The following SEC16B variants were observed in gnomAD, a reference collection of about 807,000 sequenced individuals.
SEC16B encodes the protein protein transport protein Sec16B.
In SEC16B, 115 loss-of-function variants were observed where a neutral mutation model predicts 141.8. That is an observed-to-expected ratio of 0.81 (90% CI 0.70 to 0.95). The LOEUF (loss-of-function observed/expected upper bound fraction) is 0.95, where lower values mean the gene tolerates loss of function less well. Among genes scored for constraint, SEC16B ranks in the 40% least tolerant of loss-of-function variants. The pLI, the probability that SEC16B is intolerant of heterozygous loss-of-function variation, is 0.00. For synonymous variants in SEC16B, 493 were observed against 492.5 expected (o/e 1.00, Z -0.01); for missense variants, 1,291 against 1,312.3 (o/e 0.98, Z 0.25).
At chr1:177,946,762 A>C (rs1454232397) in intron 13 of SEC16B, among the ~76,000 whole-genome samples, 1 of 152,216 alleles carries the variant, frequency 6.6e-6, no homozygotes, top group Non-Finnish European at 1.5e-5. Context: ...AGCCAGAATA[A>C]GGCACAATTT....
At chr1:177,937,014 A>G (rs929270274) in intron 19 of SEC16B, among the ~76,000 whole-genome samples, 200 bp downstream of exon 19, 16 of 152,078 alleles carry the variant, frequency 1.1e-4, no homozygotes, top group Admixed American at 1.0e-3. Context: ...GGAAGATAGC[A>G]ATCTCCTTCA....
intron 11 of SEC16B, among the ~76,000 whole-genome samples, chr1:177,952,890 C>T (rs1048645383): frequency 6.6e-6 from 1 of 152,128 alleles, no homozygotes; most frequent in South Asian, 2.1e-4. Context: ...CACCAGTCTC[C>T]AGGAAGACTG....
Position 177,936,319 on chromosome 1 carries a change from T to G in SEC16B, c.2550A>C (p.Gln850His), listed in dbSNP as rs201035635. ...TCACCTGTGGTTTGGAAATGACCTCTTGGCCATCAGGAGGCTGGGAAGTTT... is the reference window on the plus strand; with the variant it reads ...TCACCTGTGGTTTGGAAATGACCTCGTGGCCATCAGGAGGCTGGGAAGTTT... ...SQETSQPPDGQEVISKPQTPL... is the reference protein window; with the variant it reads ...SQETSQPPDGHEVISKPQTPL... The change falls in exon 20 of 26, where the codon CAA (glutamine) becomes CAC (histidine). Residue 850 changes from glutamine (Q) to histidine (H), a missense_variant. Coordinates refer to ENST00000308284, the MANE Select transcript of SEC16B (RefSeq NM_033127.4). 2,472 of 1,610,980 alleles carry G rather than the reference T, an allele frequency of 1.5e-3. 4 individuals are homozygous for G. Among genetic ancestry groups the G allele is most frequent in the Non-Finnish European group, 1.9e-3 (2,193 of 1,178,694 alleles).
rs150085430 is a variant in SEC16B, at chr1:177,966,718, G to A, written c.300-713C>T. ...GCTGGGATTACAGGCATGCACCACC[G>A]CGCCCAGCTAATTTTTTTGTTTTGT... is the stretch of plus-strand genomic sequence containing the variant. On this transcript the variant is annotated intron_variant, in intron 2 of 25. Coordinates refer to ENST00000308284, the MANE Select transcript of SEC16B (RefSeq NM_033127.4). 5.3e-5 allele frequency among the ~76,000 whole-genome samples: 8 copies of A among 151,842 alleles called. No homozygotes were observed. In the East Asian group the frequency reaches 1.4e-3, roughly 26 times the overall value.
intron 16 of SEC16B, 151 bp downstream of exon 16, chr1:177,941,749 C>G: frequency 1.3e-6 from 1 of 781,242 alleles, no homozygotes; most frequent in Non-Finnish European, 2.0e-6. Flanking sequence ...CTTATCGCAT[C>G]TGGGCATGCA....
intron 1 of SEC16B, among the ~76,000 whole-genome samples, chr1:177,976,313 C>A (rs192151383): frequency 6.6e-6 from 1 of 152,168 alleles, no homozygotes; most frequent in Non-Finnish European, 1.5e-5. Flanking sequence ...TGATTGATGC[C>A]CCCTATATCA....
rs201821783 is a variant in SEC16B at position 177,932,791 on chromosome 1, A to G, written c.2839T>C (p.Ser947Pro). ...CCCAGGCCAGCCTGGTGGGGAGAAG[A>G]TGCTCTGGGGGTCTCCTGCTTTGTG... Reference protein sequence around the residue: ...SPDSEETPRASSPHQAGLGLS... With the variant: ...SPDSEETPRAPSPHQAGLGLS... The change falls in exon 23 of 26, where the codon TCT (serine) becomes CCT (proline). Residue 947 changes from serine to proline, a missense_variant. Physicochemically the swap from Ser to Pro is moderately conservative, Grantham distance 74 (BLOSUM62 -1). Coordinates refer to ENST00000308284, the MANE Select transcript of SEC16B (RefSeq NM_033127.4). 1.9e-5 allele frequency: 31 copies of G among 1,612,148 alleles called. No individual in the cohort carries two copies. In the East Asian group the frequency reaches 3.3e-4, roughly 17 times the overall value.
chr1:177,977,942 T>C (rs1347816330), intron 1 of SEC16B, among the ~76,000 whole-genome samples: 2 of 152,222 alleles, frequency 1.3e-5, no homozygotes, highest in African/African-American at 4.8e-5. Flanking sequence ...GATGAAATGA[T>C]ACATGGAAAA....
At position 177,933,635 on chromosome 1, in the gene SEC16B, G is replaced by T; in HGVS notation, c.2573C>A (p.Thr858Lys). The T allele has an allele frequency of 6.2e-7, 1 of 1,613,680 alleles. No homozygotes were observed. The highest frequency in any genetic ancestry group is 8.5e-7 in the Non-Finnish European group (1 of 1,179,732). ...ACTTCGTGGTCTAGCAGCCAATGGT[G>T]TCTGGAATTAAAGAAATAACTCACA... is the stretch of plus-strand genomic sequence containing the variant. ...DGQEVISKPQ[T>K]PLAARPRSIS... The change falls in exon 21 of 26, where the codon ACA (threonine) becomes AAA (lysine). Residue 858 changes from threonine to lysine, a missense_variant and splice_region_variant. Transcript: ENST00000308284.
At chr1:177,961,535 A>G in intron 6 of SEC16B, 55 bp downstream of exon 6, 1 of 1,554,780 alleles carries the variant, frequency 6.4e-7, no homozygotes, top group Non-Finnish European at 8.7e-7. Flanking sequence ...GAGACTTGCC[A>G]CCCAGCCCTT....
intron 19 of SEC16B, among the ~76,000 whole-genome samples, 173 bp downstream of exon 19, chr1:177,937,041 C>A (rs1483111199): frequency 3.9e-5 from 6 of 152,054 alleles, no homozygotes; most frequent in African/African-American, 1.2e-4. Context: ...TGCAAAGCAC[C>A]AATACAGTGG....
intron 20 of SEC16B, 97 bp downstream of exon 20, chr1:177,936,201 G>A (rs574351047): frequency 3.3e-6 from 3 of 914,928 alleles, no homozygotes; most frequent in East Asian, 2.6e-5. Context: ...CTGCAACACT[G>A]AGGAGGAGCT....
At chr1:177,930,099 G>T (rs974139847) in intron 25 of SEC16B, among the ~76,000 whole-genome samples, 170 bp from the exon 26 acceptor site, 1 of 152,150 alleles carries the variant, frequency 6.6e-6, no homozygotes, top group Non-Finnish European at 1.5e-5. Flanking sequence ...TGTGGTAAAA[G>T]AAATTTGATT....
In SEC16B at chr1:177,967,597, A is replaced by G. The variant is rs183741483; in HGVS notation, c.299+86T>C. 34 of 1,356,864 alleles carry G rather than the reference A, an allele frequency of 2.5e-5. No individual in the cohort carries two copies. The African/African-American group carries it at 4.5e-4, about 18-fold the overall frequency. 84.1% of individuals were successfully genotyped at this position (1,356,864 alleles called of 1,614,324 possible). A position where few individuals can be genotyped will look rare whatever the true frequency, so the allele number is the denominator to read the frequency against. On this transcript the variant is annotated intron_variant, in intron 2 of 25. Coordinates refer to ENST00000308284, the MANE Select transcript of SEC16B (RefSeq NM_033127.4). ...AGGAAAAAGAAAAAAGGGGGAGAAAAATAAAAGGAAAAGGAAGAAGGAAAA... is the reference window on the plus strand; with the variant it reads ...AGGAAAAAGAAAAAAGGGGGAGAAAGATAAAAGGAAAAGGAAGAAGGAAAA...
At chr1:177,960,969 G>A (rs1351547958) in intron 6 of SEC16B, 30 bp from the exon 7 acceptor site, 1 of 1,550,712 alleles carries the variant, frequency 6.4e-7, no homozygotes, top group African/African-American at 1.4e-5. Flanking sequence ...GATGGACATT[G>A]TTAGCGTTAC....
chr1:177,937,547 C>A, intron 18 of SEC16B, 34 bp from the exon 19 acceptor site: 1 of 1,461,816 alleles, frequency 6.8e-7, no homozygotes, highest in East Asian at 2.4e-5. Context: ...AGAAGTCAGA[C>A]CTGAAATGCG....
In SEC16B at chr1:177,965,042, C is replaced by T. The variant is rs1340144097; in HGVS notation, c.533+5G>A. The T allele has an allele frequency of 1.9e-6, 3 of 1,613,184 alleles. No homozygotes were observed. The highest frequency in any genetic ancestry group is 2.2e-5 in the East Asian group (1 of 44,832). On this transcript the variant is annotated splice_donor_5th_base_variant and intron_variant, in intron 4 of 25. Transcript: ENST00000308284. ...TGTCAAACTGGCCTCTCCTTTCACACTTACTGGAAGTGGGTCTCACTATTT... is the reference window on the plus strand; with the variant it reads ...TGTCAAACTGGCCTCTCCTTTCACATTTACTGGAAGTGGGTCTCACTATTT...
intron 1 of SEC16B, among the ~76,000 whole-genome samples, chr1:177,980,026 T>C (rs1050961157): frequency 3.3e-5 from 5 of 152,196 alleles, no homozygotes; most frequent in Admixed American, 6.5e-5. Context: ...ACAAGGGAGA[T>C]GGCTAAAGTT....
rs1011802798 is a variant in SEC16B, at chr1:177,961,451, T to C, written c.787+139A>G. 18 of 822,740 alleles carry C rather than the reference T, an allele frequency of 2.2e-5. No individual in the cohort carries two copies. The Admixed American group carries it at 5.6e-4, about 26-fold the overall frequency. The allele number at this position is 822,740 out of a possible 1,614,324, so 51.0% of individuals were successfully genotyped here. On this transcript the variant is annotated intron_variant, in intron 6 of 25. Coordinates refer to ENST00000308284, the MANE Select transcript of SEC16B (RefSeq NM_033127.4). The stretch of plus-strand genomic sequence containing the variant: ...AAAAAGAGAGAAAATGGAACCAAAG[T>C]TGACCTCTCTGCCCAGGTGACCTAC...
Sources: gnomAD v4.1 joint callset for allele counts (sites outside exome capture counted in the v4.1 genomes callset) on GRCh38, gnomAD v4.1.1 for gene constraint, MANE v1.5 for transcripts, NCBI Gene and HGNC (gene_info 2026-07-23, HGNC 2026-07-21) for gene names.